Variants in AOX1 observed in about 807,000 individuals in gnomAD.
AOX1 encodes the protein aldehyde oxidase.
A neutral mutation model predicts 169.5 loss-of-function variants in AOX1; 153 were observed. The observed-to-expected ratio is 0.90, with a 90% CI of 0.79 to 1.03. The LOEUF is 1.03. Among genes scored for constraint, AOX1 ranks in the 50% least tolerant of loss-of-function variants. The pLI is 0.00. For synonymous variants in AOX1, 562 were observed against 581.9 expected, an observed-to-expected ratio of 0.97 and a Z score of 0.49; for missense variants, 1,656 against 1,663.9, an observed-to-expected ratio of 1.00 and a Z score of 0.08.
chr2:200,593,737 A>G (rs1918720), intron 2 of AOX1, among the ~76,000 whole-genome samples: 113,638 of 152,092 alleles, frequency 0.75, 42,597 homozygotes, highest in East Asian at 0.81. Context: ...TGTTTCAAAG[A>G]GGGTGTGTAC....
intron 3 of AOX1, 92 bp from the exon 4 acceptor site, chr2:200,597,305 T>C: frequency 1.2e-6 from 1 of 842,212 alleles, no homozygotes; most frequent in Non-Finnish European, 1.8e-6. Context: ...TACAAAAACC[T>C]GCCACAGTGG....
At chr2:200,666,096 C>T (rs1165902802) in intron 31 of AOX1, among the ~76,000 whole-genome samples, 3 of 152,160 alleles carry the variant, frequency 2.0e-5, no homozygotes, top group African/African-American at 7.2e-5. Context: ...AAAGGTGTTA[C>T]TAACACTCTG....
Position 200,649,787 on chromosome 2 carries a change from G to A in AOX1, c.2848-1187G>A, listed in dbSNP as rs142108447. Reference sequence around the variant, plus strand: ...TCTCCTCCCCTGTGCCTTCTGCTGTGATGCTGGTGCAAGGAGGAAGAGAAG... The same window carrying A: ...TCTCCTCCCCTGTGCCTTCTGCTGTAATGCTGGTGCAAGGAGGAAGAGAAG... On this transcript the variant is annotated intron_variant, in intron 25 of 34. Coordinates refer to ENST00000374700, the MANE Select transcript of AOX1 (RefSeq NM_001159.4). 3.4e-3 allele frequency among the ~76,000 whole-genome samples: 517 copies of A among 152,296 alleles called. 2 individuals are homozygous for A. Among genetic ancestry groups the A allele is most frequent in the African/African-American group, 0.012 (496 of 41,562 alleles).
intron 28 of AOX1, 112 bp downstream of exon 28, chr2:200,659,405 A>G (rs1374543398): frequency 2.6e-5 from 32 of 1,242,926 alleles, no homozygotes; most frequent in Non-Finnish European, 2.7e-5. Flanking sequence ...CTCCTTCCCC[A>G]TCTTGCCCTC....
At chr2:200,649,998 A>C (rs1219455787) in intron 25 of AOX1, among the ~76,000 whole-genome samples, 1 of 151,990 alleles carries the variant, frequency 6.6e-6, no homozygotes, top group Non-Finnish European at 1.5e-5. Context: ...TGGTGACCAC[A>C]CCTCTCTGCT....
At chr2:200,655,624 A>G (rs954734808) in intron 26 of AOX1, among the ~76,000 whole-genome samples, 2 of 152,136 alleles carry the variant, frequency 1.3e-5, no homozygotes, top group African/African-American at 4.8e-5. Flanking sequence ...GTACATCCCT[A>G]GTTTACACCT....
At chr2:200,675,175 A>G (rs1305820984), downstream of AOX1, among the ~76,000 whole-genome samples, 1 of 152,224 alleles carries the variant, frequency 6.6e-6, no homozygotes, top group African/African-American at 2.4e-5. Flanking sequence ...AGGATGCTTG[A>G]AAATGAGCAC....
chr2:200,641,084 G>T lies in AOX1; in HGVS notation c.2569-14G>T, dbSNP rs2035342833. ...GCCCCTGTTCCAGCATTCGATATCG[G>T]TTCTCTTCCCCAGGCTGGATTCATG... On this transcript the variant is annotated splice_polypyrimidine_tract_variant and intron_variant, in intron 23 of 34. Transcript: ENST00000374700. 6.2e-7 allele frequency: 1 copy of T among 1,608,364 alleles called. No individual in the cohort carries two copies. The highest frequency in any genetic ancestry group is 8.5e-7 in the Non-Finnish European group (1 of 1,175,522).
intron 31 of AOX1, 56 bp from the exon 32 acceptor site, chr2:200,666,631 C>G: frequency 7.4e-7 from 1 of 1,342,802 alleles, no homozygotes; most frequent in Non-Finnish European, 1.0e-6. Flanking sequence ...TCCTCAGCTT[C>G]TTCTCCCTAA....
chr2:200,657,190 A>ATTTTTTTT (rs5837752), intron 27 of AOX1, among the ~76,000 whole-genome samples: 48 of 62,834 alleles, frequency 7.6e-4, no homozygotes, highest in African/African-American at 2.1e-3. Context: ...ATATATATAT[A>ATTTTTTTT]TTTTTTTTTT....
At chr2:200,673,341 A>G (rs1047313663), downstream of AOX1, among the ~76,000 whole-genome samples, 1 of 152,152 alleles carries the variant, frequency 6.6e-6, no homozygotes, top group Admixed American at 6.5e-5. Flanking sequence ...AAACGTCCCA[A>G]GCAGATCTCC....
intron 18 of AOX1, among the ~76,000 whole-genome samples, chr2:200,622,897 C>T (rs149804045): frequency 7.9e-5 from 12 of 152,168 alleles, no homozygotes; most frequent in Non-Finnish European, 1.3e-4. Context: ...TACAATGAAC[C>T]CCATAGATCC....
intron 15 of AOX1, among the ~76,000 whole-genome samples, chr2:200,615,117 C>T (rs1230600809): frequency 7.9e-5 from 12 of 152,102 alleles, no homozygotes; most frequent in Non-Finnish European, 1.5e-4. Flanking sequence ...GCAATTCTCC[C>T]ACCTCAGCCT....
At chr2:200,636,209 A>G in intron 21 of AOX1, among the ~76,000 whole-genome samples, 1 of 139,878 alleles carries the variant, frequency 7.1e-6, no homozygotes, top group African/African-American at 2.7e-5. Flanking sequence ...GCTCACTGCA[A>G]CCTCTGCCTT....
chr2:200,680,023 G>A (rs2036139230), downstream of AOX1, among the ~76,000 whole-genome samples: 1 of 152,274 alleles, frequency 6.6e-6, no homozygotes, highest in South Asian at 2.1e-4. Context: ...AGGCTGCAGT[G>A]AGCTATGATC....
At chr2:200,608,067 T>C (rs906561060) in intron 10 of AOX1, among the ~76,000 whole-genome samples, 11 of 152,096 alleles carry the variant, frequency 7.2e-5, no homozygotes, top group African/African-American at 2.4e-4. Flanking sequence ...CAAACCACCA[T>C]AGCACATGTA....
At chr2:200,636,547 T>C (rs934054562) in intron 21 of AOX1, among the ~76,000 whole-genome samples, 3 of 152,038 alleles carry the variant, frequency 2.0e-5, no homozygotes, top group Non-Finnish European at 4.4e-5. Context: ...GGGATTAGTG[T>C]GAATAGAATA....
At chr2:200,666,359 G>T (rs1488118112) in intron 31 of AOX1, among the ~76,000 whole-genome samples, 1 of 152,124 alleles carries the variant, frequency 6.6e-6, no homozygotes, top group Non-Finnish European at 1.5e-5. Context: ...GTTTTCTTTT[G>T]TTGTGTCATA....
chr2:200,646,238 C>T (rs1307876384), intron 25 of AOX1, among the ~76,000 whole-genome samples: 1 of 152,074 alleles, frequency 6.6e-6, no homozygotes, highest in Non-Finnish European at 1.5e-5. Flanking sequence ...TGCTGTATCC[C>T]AGAGATTTTG....
Sources: gnomAD v4.1 joint callset for allele counts (sites outside exome capture counted in the v4.1 genomes callset) on GRCh38, gnomAD v4.1.1 for gene constraint, MANE v1.5 for transcripts, NCBI Gene and HGNC (gene_info 2026-07-23, HGNC 2026-07-21) for gene names.